Variants in NAV3 observed in about 807,000 individuals in gnomAD.
The protein encoded by NAV3 is pore membrane and/or filament interacting like protein 1.
In NAV3, 87 loss-of-function variants were observed where a neutral mutation model predicts 244.7. That is an observed-to-expected ratio of 0.36 (90% CI 0.30 to 0.42). The LOEUF is 0.42. Ranked by LOEUF, NAV3 falls within the 20% of genes least tolerant of loss-of-function variation. The pLI is 1.00. For missense variants in NAV3, 2,663 were observed against 2,893.3 expected (o/e 0.92, Z 1.83); for synonymous variants, 1,126 against 1,042.2 (o/e 1.08, Z -1.55).
intron 2 of NAV3, among the ~76,000 whole-genome samples, chr12:77,777,030 T>G (rs989821878): frequency 2.4e-4 from 37 of 152,298 alleles, no homozygotes; most frequent in African/African-American, 7.9e-4. Context: ...AAATGATGTT[T>G]CAAAAAATTA....
chr12:77,695,759 C>T (rs1018133355), intron 2 of NAV3, among the ~76,000 whole-genome samples: 8 of 152,080 alleles, frequency 5.3e-5, no homozygotes, highest in African/African-American at 1.9e-4. Flanking sequence ...TTTTATGAGA[C>T]TTTCTCTCTG....
At chr12:77,794,089 T>C (rs1360276124) in intron 2 of NAV3, among the ~76,000 whole-genome samples, 1 of 152,248 alleles carries the variant, frequency 6.6e-6, no homozygotes, top group Non-Finnish European at 1.5e-5. Context: ...ATGAGCTTTT[T>C]TTCATATGTT....
chr12:77,793,289 G>C (rs1041856872), intron 2 of NAV3, among the ~76,000 whole-genome samples: 1 of 152,116 alleles, frequency 6.6e-6, no homozygotes. Context: ...GAAGTGGTAA[G>C]TATTTCTCTA....
At position 78,110,398 on chromosome 12, in the gene NAV3, A is replaced by G. The variant is rs116951789; in HGVS notation, c.2637-6374A>G. On this transcript the variant is annotated intron_variant, in intron 12 of 39. Transcript: ENST00000397909. ...CCACATTCAATGCAATTTCTACCAA[A>G]TTACCAATGTCATATTTCATAGAAT... 1.8e-3 allele frequency among the ~76,000 whole-genome samples: 271 copies of G among 152,224 alleles called. 4 individuals carry two copies. The East Asian group carries it at 0.028, about 16-fold the overall frequency.
At chr12:77,626,370 G>C (rs1370323266) in intron 2 of NAV3, among the ~76,000 whole-genome samples, 1 of 151,878 alleles carries the variant, frequency 6.6e-6, no homozygotes, top group African/African-American at 2.4e-5. Context: ...GAAGAGAGAA[G>C]GGCATAGAAA....
At chr12:77,590,319 G>C (rs1489173630) in intron 2 of NAV3, among the ~76,000 whole-genome samples, 1 of 152,156 alleles carries the variant, frequency 6.6e-6, no homozygotes, top group East Asian at 1.9e-4. Flanking sequence ...GATAAAGTGA[G>C]ATGGCTTAAC....
intron 23 of NAV3, among the ~76,000 whole-genome samples, chr12:78,163,484 C>G (rs1957651723): frequency 1.3e-5 from 2 of 152,192 alleles, no homozygotes; most frequent in Non-Finnish European, 1.5e-5. Context: ...AGGAGAATTG[C>G]TTGAACCCTG....
chr12:78,014,232 T>C (rs1422754564), intron 8 of NAV3, among the ~76,000 whole-genome samples: 1 of 152,160 alleles, frequency 6.6e-6, no homozygotes, highest in African/African-American at 2.4e-5. Flanking sequence ...TTTTGAAGTC[T>C]ACATTCTTTC....
At chr12:77,663,808 A>G (rs901147238) in intron 2 of NAV3, among the ~76,000 whole-genome samples, 1 of 152,240 alleles carries the variant, frequency 6.6e-6, no homozygotes, top group Non-Finnish European at 1.5e-5. Context: ...GGCGTGAGCC[A>G]CCACTCCCAG....
At chr12:78,053,755 C>G (rs992605014) in intron 11 of NAV3, among the ~76,000 whole-genome samples, 1 of 152,144 alleles carries the variant, frequency 6.6e-6, no homozygotes, top group Admixed American at 6.5e-5. Flanking sequence ...GATACAAGAA[C>G]ACAGAGTATC....
At chr12:77,750,988 C>T (rs1592646842) in intron 2 of NAV3, among the ~76,000 whole-genome samples, 1 of 152,194 alleles carries the variant, frequency 6.6e-6, no homozygotes, top group East Asian at 1.9e-4. Context: ...TGCAGTCTCA[C>T]AACTAACTGT....
intron 3 of NAV3, among the ~76,000 whole-genome samples, chr12:77,961,900 A>G (rs893595041): frequency 1.3e-5 from 2 of 151,750 alleles, no homozygotes; most frequent in Non-Finnish European, 1.5e-5. Context: ...TATGATATAT[A>G]CTTTAATATT....
At chr12:78,157,048 A>G (rs1170606854) in intron 22 of NAV3, among the ~76,000 whole-genome samples, 3 of 152,142 alleles carry the variant, frequency 2.0e-5, no homozygotes, top group African/African-American at 7.2e-5. Flanking sequence ...AAGCAAGAAA[A>G]TAATTACCAC....
At chr12:78,083,058 T>G (rs1038539924) in intron 12 of NAV3, among the ~76,000 whole-genome samples, 1 of 152,174 alleles carries the variant, frequency 6.6e-6, no homozygotes, top group African/African-American at 2.4e-5. Flanking sequence ...GAAAAGAAAT[T>G]CACATCTTAG....
intron 2 of NAV3, among the ~76,000 whole-genome samples, chr12:77,665,694 C>T (rs1318507372): frequency 2.6e-5 from 4 of 152,088 alleles, no homozygotes; most frequent in Non-Finnish European, 5.9e-5. Flanking sequence ...CTCATAAAAA[C>T]ACTAGAAGTA....
intron 2 of NAV3, among the ~76,000 whole-genome samples, chr12:77,659,512 G>T (rs1318928250): frequency 1.3e-5 from 2 of 152,144 alleles, no homozygotes; most frequent in Non-Finnish European, 2.9e-5. Flanking sequence ...ACTGTTGTTG[G>T]GACTGTAAAC....
rs4376948 is a variant in NAV3 at position 77,851,804 on chromosome 12, T to A, written c.243+20100T>A. On this transcript the variant is annotated intron_variant, in intron 1 of 39. Coordinates refer to ENST00000397909, the MANE Select transcript of NAV3 (RefSeq NM_001024383.2). ...TCTAATACCAGCTTCAGTGTCTATATTACTGTAACTTCATGAAAGACTACT... is the reference window on the plus strand; with the variant it reads ...TCTAATACCAGCTTCAGTGTCTATAATACTGTAACTTCATGAAAGACTACT... 4.0e-3 allele frequency among the ~76,000 whole-genome samples: 604 copies of A among 152,336 alleles called. 1 individual carries two copies. Among genetic ancestry groups the A allele is most frequent in the African/African-American group, 0.014 (577 of 41,580 alleles).
At chr12:77,940,063 C>G (rs1275726352) in intron 1 of NAV3, among the ~76,000 whole-genome samples, 1 of 152,136 alleles carries the variant, frequency 6.6e-6, no homozygotes, top group East Asian at 1.9e-4. Flanking sequence ...GTAGTCATCC[C>G]AGAGGGAAGT....
intron 3 of NAV3, among the ~76,000 whole-genome samples, chr12:77,953,685 A>T (rs1418549447): frequency 6.6e-6 from 1 of 152,156 alleles, no homozygotes; most frequent in Non-Finnish European, 1.5e-5. Context: ...TTCCTTTGCA[A>T]TGACACAGGA....
Sources: gnomAD v4.1 joint callset for allele counts (sites outside exome capture counted in the v4.1 genomes callset) on GRCh38, gnomAD v4.1.1 for gene constraint, MANE v1.5 for transcripts, NCBI Gene and HGNC (gene_info 2026-07-23, HGNC 2026-07-21) for gene names.